Variants in LIMCH1 observed in about 807,000 individuals in gnomAD.
LIMCH1 encodes LIM and calponin homology domains-containing protein 1.
In LIMCH1, 113 loss-of-function variants were observed where a neutral mutation model predicts 176.5. That is an observed-to-expected ratio of 0.64 (90% CI 0.55 to 0.75). LIMCH1 has a LOEUF of 0.75. LIMCH1 is among the 30% of genes least tolerant of loss of function. The probability of loss-of-function intolerance (pLI) is 0.00; values close to 1 mark genes in which losing one functional copy is unlikely to be tolerated. For missense variants in LIMCH1, 1,674 were observed against 1,814.9 expected (o/e 0.92, Z 1.41); for synonymous variants, 619 against 645.9 (o/e 0.96, Z 0.63).
At chr4:41,567,254 A>G (rs1167227581) in intron 1 of LIMCH1, among the ~76,000 whole-genome samples, 2 of 152,308 alleles carry the variant, frequency 1.3e-5, no homozygotes, top group South Asian at 2.1e-4. Flanking sequence ...GTTTCCTCAT[A>G]TATTATGCTG....
Position 41,390,239 on chromosome 4 carries a change from GGAGAGAGAGAGAGA to G in LIMCH1, c.96+29325_96+29338del, listed in dbSNP as rs34011822. On this transcript the variant is annotated intron_variant, in intron 1 of 26. Transcript: ENST00000313860. The stretch of plus-strand genomic sequence containing the variant: ...TCTGCTCTACCTGCATCTCTCTCAG[GGAGAGAGAGAGAGA>G]GAGAGAGAGAGAGAGAGAGAGCGAG... 4.4e-3 allele frequency among the ~76,000 whole-genome samples: 616 copies of G among 138,434 alleles called. 4 individuals are homozygous for G. Among genetic ancestry groups the G allele is most frequent in the African/African-American group, 0.015 (582 of 37,866 alleles). The allele number at this position is 138,434 out of a possible 152,430, so 90.8% of individuals were successfully genotyped here.
chr4:41,549,710 A>G (rs140081052), intron 1 of LIMCH1, among the ~76,000 whole-genome samples: 81 of 152,242 alleles, frequency 5.3e-4, no homozygotes, highest in African/African-American at 1.9e-3. Flanking sequence ...TGTCACATGT[A>G]TCTTGTGGGT....
At chr4:41,672,108 A>G (rs1287410579) in intron 22 of LIMCH1, among the ~76,000 whole-genome samples, 9 of 152,028 alleles carry the variant, frequency 5.9e-5, no homozygotes, top group Non-Finnish European at 1.3e-4. Flanking sequence ...GGTGGCTCAC[A>G]CCTGTAATCC....
intron 1 of LIMCH1, among the ~76,000 whole-genome samples, chr4:41,488,618 G>C (rs1417630932): frequency 3.9e-5 from 6 of 152,036 alleles, no homozygotes; most frequent in Non-Finnish European, 1.5e-5. Context: ...AGACCATTTA[G>C]TTTCTTTAGA....
upstream of LIMCH1, among the ~76,000 whole-genome samples, chr4:41,535,537 T>C (rs1169197517): frequency 1.3e-5 from 2 of 152,266 alleles, no homozygotes; most frequent in East Asian, 3.9e-4. Context: ...ATAAGGACAC[T>C]GTCGTATTGG....
At chr4:41,427,866 C>G (rs906595354) in intron 1 of LIMCH1, among the ~76,000 whole-genome samples, 1 of 151,732 alleles carries the variant, frequency 6.6e-6, no homozygotes, top group African/African-American at 2.4e-5. Flanking sequence ...TGCTTTAACT[C>G]ATACCACATT....
chr4:41,437,926 T>G (rs1170742690), intron 1 of LIMCH1, among the ~76,000 whole-genome samples: 1 of 152,250 alleles, frequency 6.6e-6, no homozygotes, highest in Non-Finnish European at 1.5e-5. Context: ...ACATGTGGTT[T>G]AAGTCTGGAC....
Position 41,407,314 on chromosome 4 carries a change from G to A in LIMCH1, c.96+46378G>A, listed in dbSNP as rs111465056. Among the ~76,000 whole-genome samples the A allele has an allele frequency of 7.2e-4, 109 of 152,172 alleles. No homozygotes were observed. The East Asian group carries it at 0.02, about 28-fold the overall frequency. Reference sequence around the variant, plus strand: ...TGCAATCATGGCTCACTGCATCTTCGACCTGCTGGGCTCAAGCGATCCTCC... The same window carrying A: ...TGCAATCATGGCTCACTGCATCTTCAACCTGCTGGGCTCAAGCGATCCTCC... On this transcript the variant is annotated intron_variant, in intron 1 of 26. Coordinates refer to the LIMCH1 transcript ENST00000313860.
intron 1 of LIMCH1, among the ~76,000 whole-genome samples, chr4:41,427,918 A>G (rs1002389417): frequency 2.7e-5 from 4 of 150,208 alleles, no homozygotes; most frequent in African/African-American, 9.9e-5. Context: ...CACCTTGTTT[A>G]CCTACAAAAT....
intron 1 of LIMCH1, among the ~76,000 whole-genome samples, chr4:41,401,236 A>G (rs1483887618): frequency 2.6e-5 from 4 of 152,202 alleles, no homozygotes; most frequent in Admixed American, 2.0e-4. Context: ...ATCCAGTTTC[A>G]GCCTTCTACA....
At chr4:41,635,442 G>A (rs894369395) in intron 13 of LIMCH1, among the ~76,000 whole-genome samples, 2 of 152,118 alleles carry the variant, frequency 1.3e-5, no homozygotes, top group Non-Finnish European at 2.9e-5. Context: ...TGGCCAGGCT[G>A]GTCTGGAACT....
rs755444307 is a variant in LIMCH1 at position 41,631,344 on chromosome 4, G to C, written c.1468G>C (p.Ala490Pro). The change falls in exon 10 of 32, where the codon GCT (alanine) becomes CCT (proline). Residue 490 changes from alanine to proline, a missense_variant. Around this residue, in one of 3 missense-constraint regions of LIMCH1, gnomAD observed 655 missense variants for 692.2 expected, o/e 0.95. Coordinates refer to ENST00000503057, the MANE Select transcript of LIMCH1 (RefSeq NM_001330672.2). ...ATGGAAGCGGCTTAGCATTGGCAAG[G>C]CTGGGCCTAGAGAGGATGAAGAAGA... ...QKWKRLSIGK[A>P]GPREDEEEVI... 2.0e-6 allele frequency: 3 copies of C among 1,536,224 alleles called. No individual in the cohort carries two copies. The highest frequency in any genetic ancestry group is 2.4e-5 in the South Asian group (2 of 84,062).
chr4:41,570,841 G>A (rs971828653), intron 1 of LIMCH1, among the ~76,000 whole-genome samples: 2 of 152,186 alleles, frequency 1.3e-5, no homozygotes, highest in African/African-American at 4.8e-5. Context: ...GACTCAGGAA[G>A]AGGACTGAGA....
At chr4:41,640,030 A>G (rs966615733) in intron 14 of LIMCH1, among the ~76,000 whole-genome samples, 1 of 152,188 alleles carries the variant, frequency 6.6e-6, no homozygotes, top group Non-Finnish European at 1.5e-5. Flanking sequence ...TGCTATTTTC[A>G]TGTTTGTGTT....
intron 1 of LIMCH1, among the ~76,000 whole-genome samples, chr4:41,390,046 T>C (rs1294847239): frequency 6.7e-6 from 1 of 149,228 alleles, no homozygotes; most frequent in Non-Finnish European, 1.5e-5. Context: ...AGCAGCACCA[T>C]TTTTTTTTTA....
chr4:41,407,784 C>T (rs1050123232), intron 1 of LIMCH1, among the ~76,000 whole-genome samples: 8 of 152,268 alleles, frequency 5.3e-5, no homozygotes, highest in South Asian at 2.1e-4. Context: ...TTGAGCCCCA[C>T]GTCTAGACTT....
rs183329173 is a variant in LIMCH1, at chr4:41,661,545, C to T, written c.3127+35C>T. 5.9e-5 allele frequency: 80 copies of T among 1,360,200 alleles called. No homozygotes were observed. In the Middle Eastern group the frequency reaches 7.2e-4, roughly 12 times the overall value. 84.3% of individuals were successfully genotyped at this position (1,360,200 alleles called of 1,614,324 possible). ...ATAAGAGACTAGTTTTAAGGCAAATCATGGTAACTGTTTAAGATGTAATGG... is the reference window on the plus strand; with the variant it reads ...ATAAGAGACTAGTTTTAAGGCAAATTATGGTAACTGTTTAAGATGTAATGG... On this transcript the variant is annotated intron_variant, in intron 19 of 31. Coordinates refer to ENST00000503057, the MANE Select transcript of LIMCH1 (RefSeq NM_001330672.2).
chr4:41,620,929 C>T (rs75956412), intron 7 of LIMCH1, among the ~76,000 whole-genome samples: 3,689 of 152,246 alleles, frequency 0.024, 163 homozygotes, highest in African/African-American at 0.084. Flanking sequence ...TGGGTGCAGC[C>T]CTTGTCTTTG....
upstream of LIMCH1, among the ~76,000 whole-genome samples, chr4:41,534,041 A>C (rs553111437): frequency 6.6e-6 from 1 of 152,206 alleles, no homozygotes; most frequent in Non-Finnish European, 1.5e-5. Flanking sequence ...TGTGTGCAGT[A>C]AAAGCCACTG....
Sources: gnomAD v4.1 joint callset for allele counts (sites outside exome capture counted in the v4.1 genomes callset) on GRCh38, gnomAD v4.1.1 for gene constraint, gnomAD v4.1.1 regional missense constraint, MANE v1.5 for transcripts, NCBI Gene and HGNC (gene_info 2026-07-23, HGNC 2026-07-21) for gene names.